Variants in GAB2 observed in about 807,000 individuals in gnomAD.
GAB2 encodes GRB2-associated-binding protein 2.
In GAB2, 26 loss-of-function variants were observed where a neutral mutation model predicts 65.5. The observed-to-expected ratio is 0.40, with a 90% CI of 0.29 to 0.55. The LOEUF is 0.55. Among genes scored for constraint, GAB2 ranks in the 20% least tolerant of loss-of-function variants. The pLI is 0.53. For missense variants in GAB2, 884 were observed against 875.8 expected (o/e 1.01, Z -0.12); for synonymous variants, 321 against 329.6 (o/e 0.97, Z 0.28).
At chr11:78,229,237 G>A (rs1864768812) in intron 3 of GAB2, among the ~76,000 whole-genome samples, 1 of 152,050 alleles carries the variant, frequency 6.6e-6, no homozygotes, top group Non-Finnish European at 1.5e-5. Flanking sequence ...CAGGCAGAAG[G>A]CAGGAGAAGG....
At chr11:78,279,095 A>T (rs1866257866) in intron 2 of GAB2, among the ~76,000 whole-genome samples, 1 of 152,186 alleles carries the variant, frequency 6.6e-6, no homozygotes. Context: ...TGGGGAAAAC[A>T]GGAAATTCCA....
intron 1 of GAB2, among the ~76,000 whole-genome samples, chr11:78,414,597 C>A (rs1006327659): frequency 2.0e-5 from 3 of 152,164 alleles, no homozygotes; most frequent in African/African-American, 4.8e-5. Flanking sequence ...CACAAATACA[C>A]TGAGGCACGA....
rs963077166 is a variant in GAB2, at chr11:78,216,653, G to T, written c.*2619C>A. 4.6e-5 allele frequency: 7 copies of T among 152,100 alleles called. No homozygotes were observed. Among genetic ancestry groups the T allele is most frequent in the Non-Finnish European group, 1.0e-4 (7 of 68,042 alleles). The allele number at this position is 152,100 out of a possible 1,614,324, so 9.4% of individuals were successfully genotyped here. On this transcript the variant is annotated 3_prime_UTR_variant, in exon 10 of 10. Coordinates refer to ENST00000361507, the MANE Select transcript of GAB2 (RefSeq NM_080491.3). ...TGGAAGGAAGCCTCCTGGGAGATTC[G>T]ATTTGAACACCTCAGTCGCTCTCCG... is the stretch of plus-strand genomic sequence containing the variant.
intron 1 of GAB2, among the ~76,000 whole-genome samples, chr11:78,350,873 C>T (rs1351570448): frequency 6.6e-6 from 1 of 152,176 alleles, no homozygotes; most frequent in Non-Finnish European, 1.5e-5. Context: ...CGGTAAGCAA[C>T]TTTGGAAAAT....
At chr11:78,323,354 C>T (rs1855762330) in intron 1 of GAB2, among the ~76,000 whole-genome samples, 1 of 151,918 alleles carries the variant, frequency 6.6e-6, no homozygotes, top group African/African-American at 2.4e-5. Context: ...TACTAAAATA[C>T]AAAAAGTTAC....
intron 1 of GAB2, among the ~76,000 whole-genome samples, chr11:78,369,204 G>T (rs1052838860): frequency 3.2e-4 from 49 of 150,984 alleles, no homozygotes; most frequent in African/African-American, 1.2e-3. Context: ...TATCATCCCT[G>T]CTGGTCTCCA....
chr11:78,249,663 GC>G (rs1488626238), intron 3 of GAB2, among the ~76,000 whole-genome samples: 2 of 152,122 alleles, frequency 1.3e-5, no homozygotes, highest in Non-Finnish European at 2.9e-5. Context: ...TTGAAATGTG[GC>G]TAGTACAACT....
intron 1 of GAB2, among the ~76,000 whole-genome samples, chr11:78,332,849 A>T (rs1240349220): frequency 1.3e-5 from 2 of 152,206 alleles, no homozygotes; most frequent in Non-Finnish European, 2.9e-5. Flanking sequence ...GAGTTCCCTC[A>T]TGCCCTAGAG....
intron 3 of GAB2, among the ~76,000 whole-genome samples, chr11:78,240,402 A>G (rs1865096181): frequency 6.6e-6 from 1 of 151,244 alleles, no homozygotes. Context: ...TCAGGGAAAA[A>G]GAGCAGTGTC....
chr11:78,314,757 A>G (rs879250479), intron 1 of GAB2, among the ~76,000 whole-genome samples: 3 of 152,226 alleles, frequency 2.0e-5, no homozygotes. Context: ...TGGAATGGTT[A>G]TGCAAAGGAA....
intron 1 of GAB2, among the ~76,000 whole-genome samples, chr11:78,333,560 C>T (rs1855950350): frequency 6.6e-6 from 1 of 152,162 alleles, no homozygotes; most frequent in African/African-American, 2.4e-5. Context: ...TAGCCACCAC[C>T]CCCTGCCCAG....
intron 3 of GAB2, among the ~76,000 whole-genome samples, chr11:78,249,894 CT>C (rs1438586870): frequency 2.0e-5 from 3 of 151,856 alleles, no homozygotes; most frequent in African/African-American, 7.3e-5. Flanking sequence ...GCCTTCACCC[CT>C]GCCTCCAAAT....
chr11:78,317,792 T>C (rs1186763845), intron 1 of GAB2, among the ~76,000 whole-genome samples: 1 of 152,148 alleles, frequency 6.6e-6, no homozygotes, highest in Non-Finnish European at 1.5e-5. Flanking sequence ...TGCCATTATA[T>C]CTGGCTGATC....
chr11:78,228,772 A>G (rs1321715986), intron 3 of GAB2, among the ~76,000 whole-genome samples: 1 of 138,654 alleles, frequency 7.2e-6, no homozygotes, highest in Non-Finnish European at 1.5e-5. Context: ...GCCAACAGCC[A>G]TGGGCTTGGA....
At chr11:78,297,302 T>A (rs888312660) in intron 1 of GAB2, among the ~76,000 whole-genome samples, 1 of 151,828 alleles carries the variant, frequency 6.6e-6, no homozygotes, top group African/African-American at 2.4e-5. Flanking sequence ...TATTATAAAA[T>A]TAAAAAATCT....
intron 1 of GAB2, among the ~76,000 whole-genome samples, chr11:78,342,339 G>A: frequency 6.7e-6 from 1 of 149,776 alleles, no homozygotes. Context: ...CCTCTAGGCT[G>A]TTGTCCTTGA....
At chr11:78,259,960 C>T (rs1795498259) in intron 2 of GAB2, among the ~76,000 whole-genome samples, 1 of 152,214 alleles carries the variant, frequency 6.6e-6, no homozygotes, top group African/African-American at 2.4e-5. Flanking sequence ...CTGGTCAGGA[C>T]ACTAACTGGA....
At chr11:78,233,293 C>G (rs1173465263) in intron 3 of GAB2, among the ~76,000 whole-genome samples, 3 of 152,118 alleles carry the variant, frequency 2.0e-5, no homozygotes, top group Non-Finnish European at 4.4e-5. Context: ...TCTTGGTCTC[C>G]CAAAGTGCTG....
At chr11:78,269,530 G>A (rs1001157019) in intron 2 of GAB2, among the ~76,000 whole-genome samples, 2 of 152,164 alleles carry the variant, frequency 1.3e-5, no homozygotes, top group African/African-American at 4.8e-5. Flanking sequence ...AAGAGGTCCT[G>A]ACTTTTAAGG....
Sources: gnomAD v4.1 joint callset for allele counts (sites outside exome capture counted in the v4.1 genomes callset) on GRCh38, gnomAD v4.1.1 for gene constraint, MANE v1.5 for transcripts, NCBI Gene and HGNC (gene_info 2026-07-23, HGNC 2026-07-21) for gene names.